The following GLB1L2 variants were observed in gnomAD, a reference collection of about 807,000 sequenced individuals.
GLB1L2 encodes beta-galactosidase-1-like protein 2.
GLB1L2 carries 68 observed loss-of-function variants against 84.1 expected under a neutral mutation model. The observed-to-expected ratio is 0.81, with a 90% CI of 0.67 to 0.99. The LOEUF (loss-of-function observed/expected upper bound fraction) is 0.99. GLB1L2 is among the 50% of genes least tolerant of loss of function. GLB1L2 has a pLI of 0.00. For missense variants in GLB1L2, 762 were observed against 805.6 expected (o/e 0.95, Z 0.66); for synonymous variants, 290 against 318.0 (o/e 0.91, Z 0.94).
intron 5 of GLB1L2, among the ~76,000 whole-genome samples, chr11:134,353,648 C>T (rs190343891): frequency 1.4e-4 from 21 of 152,254 alleles, no homozygotes; most frequent in African/African-American, 4.6e-4. Flanking sequence ...GAGTCTCCTA[C>T]TATTATTGTC....
intron 16 of GLB1L2, 58 bp downstream of exon 16, chr11:134,373,866 G>C: frequency 8.1e-7 from 1 of 1,232,254 alleles, no homozygotes; most frequent in Non-Finnish European, 1.2e-6. Flanking sequence ...GTGTGGTGGG[G>C]CCCAGGGGTC....
intron 7 of GLB1L2, among the ~76,000 whole-genome samples, chr11:134,361,875 G>T (rs1272236388): frequency 1.3e-5 from 2 of 152,164 alleles, no homozygotes; most frequent in Non-Finnish European, 2.9e-5. Flanking sequence ...CGGCACAGGG[G>T]ACTCCGGCTC....
At chr11:134,356,980 C>T (rs1591618255) in intron 6 of GLB1L2, among the ~76,000 whole-genome samples, 1 of 152,362 alleles carries the variant, frequency 6.6e-6, no homozygotes, top group East Asian at 1.9e-4. Context: ...AACCTCCTTT[C>T]TCTCTTCTAT....
intron 2 of GLB1L2, 115 bp from the exon 3 acceptor site, chr11:134,344,272 A>G: frequency 7.7e-7 from 1 of 1,304,900 alleles, no homozygotes; most frequent in Non-Finnish European, 1.1e-6. Context: ...TCCTAAAATC[A>G]TGAAGAAACA....
At chr11:134,348,715 C>T (rs969247498) in intron 5 of GLB1L2, among the ~76,000 whole-genome samples, 2 of 152,186 alleles carry the variant, frequency 1.3e-5, no homozygotes, top group South Asian at 2.1e-4. Flanking sequence ...CAGGCTGCCA[C>T]AACCAAACAC....
chr11:134,340,593 G>A (rs561799895), intron 1 of GLB1L2, among the ~76,000 whole-genome samples: 1 of 152,334 alleles, frequency 6.6e-6, no homozygotes, highest in Admixed American at 6.5e-5. Context: ...ACCAAAAGAA[G>A]GCCCGGACGG....
Position 134,338,021 on chromosome 11 carries a change from T to C in GLB1L2, c.87-4733T>C, listed in dbSNP as rs191536143. On this transcript the variant is annotated intron_variant, in intron 1 of 18. Coordinates refer to ENST00000535456, the MANE Select transcript of GLB1L2 (RefSeq NM_001370461.1). This position sits in a 1 kb window ranked among gnomAD's most constrained non-coding sequence, Gnocchi z 6.2. ...TGTTCTGGGAATCGAAGGACAATGATTGCAGTTCCTGACTCAGATACCAGC... is the reference window on the plus strand; with the variant it reads ...TGTTCTGGGAATCGAAGGACAATGACTGCAGTTCCTGACTCAGATACCAGC... 8.5e-5 allele frequency among the ~76,000 whole-genome samples: 13 copies of C among 152,354 alleles called. No individual in the cohort carries two copies. The highest frequency in any genetic ancestry group is 3.1e-4 in the African/African-American group (13 of 41,580).
intron 7 of GLB1L2, among the ~76,000 whole-genome samples, chr11:134,361,842 C>T (rs1943794856): frequency 6.6e-6 from 1 of 152,132 alleles, no homozygotes. Context: ...TCCGTGGCTT[C>T]CCGGCACCTG....
chr11:134,358,988 C>T (rs1040579306), intron 6 of GLB1L2, 72 bp from the exon 7 acceptor site: 1 of 1,074,594 alleles, frequency 9.3e-7, no homozygotes, highest in Non-Finnish European at 1.3e-6. Context: ...GGCTACCCAA[C>T]TGCAGCTGTG....
In GLB1L2 at chr11:134,359,163, C is replaced by T. The variant is rs557827058; in HGVS notation, c.733+22C>T. 5.4e-5 allele frequency: 84 copies of T among 1,556,074 alleles called. No homozygotes were observed. The South Asian group carries it at 7.7e-4, about 14-fold the overall frequency. On this transcript the variant is annotated intron_variant, in intron 7 of 18. Coordinates refer to ENST00000535456, the MANE Select transcript of GLB1L2 (RefSeq NM_001370461.1). The stretch of plus-strand genomic sequence containing the variant: ...GGAGGTAACTGCACTTGTGTTGGGC[C>T]GTGGGGGCTGGCGGCGGCCCTGGGC...
intron 1 of GLB1L2, among the ~76,000 whole-genome samples, chr11:134,341,991 C>CCCAGCACCG (rs1591610852): frequency 3.3e-5 from 5 of 152,148 alleles, no homozygotes; most frequent in East Asian, 3.9e-4. Flanking sequence ...GACTCAGCCA[C>CCCAGCACCG]GCCCTTGTTT....
In GLB1L2 at chr11:134,339,232, A is replaced by G. The variant is rs1943430408; in HGVS notation, c.87-3522A>G. 6.6e-6 allele frequency among the ~76,000 whole-genome samples: 1 copy of G among 152,226 alleles called. No homozygotes were observed. Among genetic ancestry groups the G allele is most frequent in the Admixed American group, 6.5e-5 (1 of 15,288 alleles). On this transcript the variant is annotated intron_variant, in intron 1 of 18. Coordinates refer to ENST00000535456, the MANE Select transcript of GLB1L2 (RefSeq NM_001370461.1). The surrounding 1 kb of genome is among the most constrained non-coding windows in gnomAD (Gnocchi z 5.7). ...CTGACCTTTAAACCAACCAACTCCA[A>G]CCACACTGTTGATATTTCCTTTATT...
chr11:134,355,116 G>A (rs534289266), intron 5 of GLB1L2, among the ~76,000 whole-genome samples: 11 of 152,200 alleles, frequency 7.2e-5, no homozygotes, highest in South Asian at 6.2e-4. Flanking sequence ...TGAATCTGCC[G>A]TTGAACTCCT....
Position 134,338,817 on chromosome 11 carries a change from A to G in GLB1L2, c.87-3937A>G, listed in dbSNP as rs1943424964. ...TTGTTAGGTTGTGCGCGGCCCCATC[A>G]GAAGTCCTGATGTGCCTGCCTTCCT... is the stretch of plus-strand genomic sequence containing the variant. On this transcript the variant is annotated intron_variant, in intron 1 of 18. Coordinates refer to ENST00000535456, the MANE Select transcript of GLB1L2 (RefSeq NM_001370461.1). This position sits in a 1 kb window ranked among gnomAD's most constrained non-coding sequence, Gnocchi z 6.2. 6.6e-6 allele frequency among the ~76,000 whole-genome samples: 1 copy of G among 152,192 alleles called. No homozygotes were observed. The highest frequency in any genetic ancestry group is 6.5e-5 in the Admixed American group (1 of 15,288).
chr11:134,359,408 C>T lies in GLB1L2; in HGVS notation c.733+267C>T, dbSNP rs372625026. 395 of 324,836 alleles carry T rather than the reference C, an allele frequency of 1.2e-3. 1 individual carries two copies. The highest frequency in any genetic ancestry group is 5.1e-3 in the African/African-American group (235 of 45,916). 20.1% of individuals were successfully genotyped at this position (324,836 alleles called of 1,614,324 possible). On this transcript the variant is annotated intron_variant, in intron 7 of 18. Transcript: ENST00000535456. ...GGGCACTCTGCAGATGACTGCTTCA[C>T]GTGCGGGCTTCCTGTTTTCAGAACA...
intron 8 of GLB1L2, 189 bp from the exon 9 acceptor site, chr11:134,367,068 G>T (rs1943875231): frequency 3.2e-6 from 2 of 622,266 alleles, no homozygotes; most frequent in Non-Finnish European, 5.8e-6. Context: ...GCCACATGTG[G>T]CAGGAGAACT....
At chr11:134,349,762 T>A (rs1279456476) in intron 5 of GLB1L2, among the ~76,000 whole-genome samples, 1 of 152,228 alleles carries the variant, frequency 6.6e-6, no homozygotes, top group Admixed American at 6.5e-5. Context: ...CTTCTGCTCA[T>A]TTTTGAATCT....
chr11:134,373,405 C>T (rs774282333), intron 15 of GLB1L2, among the ~76,000 whole-genome samples: 4 of 152,200 alleles, frequency 2.6e-5, no homozygotes, highest in Non-Finnish European at 5.9e-5. Context: ...AGAACCCTCT[C>T]GGTCATCTGG....
chr11:134,342,850 C>G lies in GLB1L2; in HGVS notation c.183C>G (p.Phe61Leu). ...ACTTCATGCTGGAGGATTCCACCTT[C>G]TGGATCTTCGGGGGCTCCATCCACT... ...GWNFMLEDST[F>L]WIFGGSIHYF... Residue 61 changes from phenylalanine to leucine, a missense_variant, in exon 2 of 19, where the codon TTC becomes TTG. This residue lies in a region of GLB1L2 where 100 missense variants were observed against 88.8 expected (regional missense o/e 1.13). Coordinates refer to ENST00000535456, the MANE Select transcript of GLB1L2 (RefSeq NM_001370461.1). The G allele has an allele frequency of 6.2e-7, 1 of 1,614,038 alleles. No homozygotes were observed. Among genetic ancestry groups the G allele is most frequent in the Non-Finnish European group, 8.5e-7 (1 of 1,180,030 alleles).
Sources: allele counts gnomAD v4.1 joint callset (sites outside exome capture counted in the v4.1 genomes callset), GRCh38; gene constraint gnomAD v4.1.1; regional missense constraint gnomAD v4.1.1; non-coding constraint Gnocchi (gnomAD v3.1); transcripts MANE v1.5; gene names NCBI Gene and HGNC (gene_info 2026-07-23, HGNC 2026-07-21).